The following COL28A1 variants were observed in gnomAD, a reference collection of about 807,000 sequenced individuals.
The protein encoded by COL28A1 is collagen alpha-1(XXVIII) chain.
A neutral mutation model predicts 150.2 loss-of-function variants in COL28A1; 161 were observed. That is an observed-to-expected ratio of 1.07 (90% CI 0.94 to 1.22). The LOEUF is 1.22. COL28A1 is among the 50% of genes most tolerant of loss of function. The pLI is 0.00. For missense variants in COL28A1, 1,617 were observed against 1,388.3 expected, an observed-to-expected ratio of 1.16 and a Z score of -2.62; for synonymous variants, 552 against 469.7, an observed-to-expected ratio of 1.18 and a Z score of -2.26.
chr7:7,419,994 A>T (rs1784308885), intron 25 of COL28A1, 41 bp from the exon 26 acceptor site: 1 of 1,392,318 alleles, frequency 7.2e-7, no homozygotes, highest in East Asian at 2.4e-5. Flanking sequence ...AATTTTTTAA[A>T]GACTTTATGT....
At chr7:7,427,745 CT>C (rs1784727329) in intron 25 of COL28A1, among the ~76,000 whole-genome samples, 1 of 152,114 alleles carries the variant, frequency 6.6e-6, no homozygotes, top group Non-Finnish European at 1.5e-5. Flanking sequence ...ATATTTAACT[CT>C]TTTGGGTTTG....
At chr7:7,430,927 G>A (rs10234561) in intron 25 of COL28A1, among the ~76,000 whole-genome samples, 26,893 of 152,090 alleles carry the variant, frequency 0.18, 2,836 homozygotes, top group African/African-American at 0.3. Context: ...TGTCCTGTCT[G>A]TACAGTGTAC....
At chr7:7,541,844 T>C in the COL28A1 span, among the ~76,000 whole-genome samples, 1 of 152,164 alleles carries the variant, frequency 6.6e-6, no homozygotes, top group Non-Finnish European at 1.5e-5. Flanking sequence ...ACTTAGTTTC[T>C]ACTATATGTG....
chr7:7,417,612 A>G (rs1784176940), intron 27 of COL28A1: 3 of 429,086 alleles, frequency 7.0e-6, no homozygotes, highest in East Asian at 4.8e-5. Flanking sequence ...AAGAGGGGAA[A>G]GCAACAAACC....
intron 27 of COL28A1, among the ~76,000 whole-genome samples, chr7:7,414,892 T>G (rs377361930): frequency 3.2e-4 from 48 of 152,346 alleles, no homozygotes; most frequent in Non-Finnish European, 5.9e-4. Flanking sequence ...CCATCCTCTA[T>G]ACTCTCCAGA....
intron 31 of COL28A1, among the ~76,000 whole-genome samples, chr7:7,374,490 C>T (rs1781440253): frequency 6.6e-6 from 1 of 152,118 alleles, no homozygotes; most frequent in South Asian, 2.1e-4. Context: ...AGCAGTACAT[C>T]CATGCTATGA....
intron 33 of COL28A1, among the ~76,000 whole-genome samples, chr7:7,362,532 G>A (rs1432360552): frequency 2.0e-5 from 3 of 152,006 alleles, no homozygotes; most frequent in South Asian, 2.1e-4. Flanking sequence ...CACACAAGAG[G>A]GAAAAAGTAA....
At chr7:7,429,069 C>T (rs1362887309) in intron 25 of COL28A1, among the ~76,000 whole-genome samples, 1 of 152,150 alleles carries the variant, frequency 6.6e-6, no homozygotes, top group Non-Finnish European at 1.5e-5. Context: ...CCAAAACCCA[C>T]CATAAATTCA....
Position 7,512,936 on chromosome 7 carries a change from G to A in COL28A1, c.883-1801C>T, listed in dbSNP as rs571852202. On this transcript the variant is annotated intron_variant, in intron 8 of 34. Transcript: ENST00000399429. ...AATGACAAGGAAATTACATTCAAATGTAAATCAATGCACTGCTTCTTTCAT... is the reference window on the plus strand; with the variant it reads ...AATGACAAGGAAATTACATTCAAATATAAATCAATGCACTGCTTCTTTCAT... Among the ~76,000 whole-genome samples the A allele has an allele frequency of 2.0e-5, 3 of 152,188 alleles. No individual in the cohort carries two copies. In the South Asian group the frequency reaches 6.2e-4, roughly 31 times the overall value.
downstream of COL28A1, chr7:7,357,847 C>T (rs1469659079): frequency 6.6e-6 from 1 of 152,160 alleles, no homozygotes; most frequent in Non-Finnish European, 1.5e-5. Context: ...TTAATACACA[C>T]TGTTCAAGAG....
the COL28A1 span, among the ~76,000 whole-genome samples, chr7:7,338,373 G>A: frequency 6.6e-6 from 1 of 152,060 alleles, no homozygotes; most frequent in Admixed American, 6.6e-5. Flanking sequence ...CTTTCTGTCA[G>A]CACTGTTTTG....
downstream of COL28A1, among the ~76,000 whole-genome samples, chr7:7,352,284 G>C (rs192873063): frequency 6.6e-6 from 1 of 152,098 alleles, no homozygotes; most frequent in Non-Finnish European, 1.5e-5. Flanking sequence ...GCATGTCTTC[G>C]CTCTTAAGTA....
In COL28A1 at chr7:7,516,847, G is replaced by T. The variant is rs539320633; in HGVS notation, c.855+949C>A. Among the ~76,000 whole-genome samples the T allele has an allele frequency of 5.3e-5, 8 of 152,082 alleles. No homozygotes were observed. The South Asian group carries it at 1.2e-3, about 24-fold the overall frequency. ...GGCCTTAAGTGATCTTTGCACCTAG[G>T]CCTCCCAAAGTGCTGGTATTACAGG... On this transcript the variant is annotated intron_variant, in intron 7 of 34. Coordinates refer to ENST00000399429, the MANE Select transcript of COL28A1 (RefSeq NM_001037763.3).
At chr7:7,454,309 A>C (rs1471307864) in intron 16 of COL28A1, among the ~76,000 whole-genome samples, 1 of 152,204 alleles carries the variant, frequency 6.6e-6, no homozygotes, top group Non-Finnish European at 1.5e-5. Context: ...CAAGAATTCA[A>C]TGGATAAACA....
At chr7:7,467,761 C>T in intron 15 of COL28A1, among the ~76,000 whole-genome samples, 1 of 106,762 alleles carries the variant, frequency 9.4e-6, no homozygotes, top group South Asian at 3.8e-4. Context: ...AACTATCTCT[C>T]AGACCACAGT....
rs1781744787 is a variant in COL28A1 at position 7,521,886 on chromosome 7, A to G, written c.759+19T>C. On this transcript the variant is annotated intron_variant, in intron 5 of 34. Coordinates refer to ENST00000399429, the MANE Select transcript of COL28A1 (RefSeq NM_001037763.3). Reference sequence around the variant, plus strand: ...TGCTAGGACTTTCTGACTTAAGTTCAAAGTGGAAGTATACTCACAGGAGGC... The same window carrying G: ...TGCTAGGACTTTCTGACTTAAGTTCGAAGTGGAAGTATACTCACAGGAGGC... 1.1e-6 allele frequency: 1 copy of G among 951,662 alleles called. No homozygotes were observed. The highest frequency in any genetic ancestry group is 1.6e-5 in the African/African-American group (1 of 62,882). The allele number at this position is 951,662 out of a possible 1,614,324, so 59.0% of individuals were successfully genotyped here.
intron 18 of COL28A1, among the ~76,000 whole-genome samples, chr7:7,450,283 C>T (rs1354754598): frequency 6.6e-6 from 1 of 151,990 alleles, no homozygotes; most frequent in Non-Finnish European, 1.5e-5. Context: ...GGGTTAAATC[C>T]CTAAATTTTA....
intron 9 of COL28A1, among the ~76,000 whole-genome samples, chr7:7,509,600 C>T (rs187917057): frequency 6.6e-6 from 1 of 152,104 alleles, no homozygotes; most frequent in East Asian, 1.9e-4. Flanking sequence ...GTATATTTTA[C>T]AGTCAATTGC....
chr7:7,368,887 G>C (rs1171373941), intron 33 of COL28A1, among the ~76,000 whole-genome samples: 1 of 152,122 alleles, frequency 6.6e-6, no homozygotes, highest in Non-Finnish European at 1.5e-5. Flanking sequence ...TCATCTCTGT[G>C]CTTCCTTCAT....
Sources: allele counts gnomAD v4.1 joint callset (sites outside exome capture counted in the v4.1 genomes callset), GRCh38; gene constraint gnomAD v4.1.1; transcripts MANE v1.5; gene names NCBI Gene and HGNC (gene_info 2026-07-23, HGNC 2026-07-21).